The following NUP93 variants were observed in gnomAD, a reference collection of about 807,000 sequenced individuals.
NUP93 encodes the protein nuclear pore complex protein Nup93.
A neutral mutation model predicts 107.8 loss-of-function variants in NUP93; 55 were observed. The observed-to-expected ratio is 0.51, with a 90% CI of 0.41 to 0.64. The LOEUF (loss-of-function observed/expected upper bound fraction) is 0.64. NUP93 is among the 30% of genes least tolerant of loss of function. The pLI, the probability that NUP93 is intolerant of heterozygous loss-of-function variation, is 0.00. For missense variants in NUP93, 937 were observed against 1,044.7 expected, an observed-to-expected ratio of 0.90 and a Z score of 1.42; for synonymous variants, 390 against 397.5, an observed-to-expected ratio of 0.98 and a Z score of 0.22.
At chr16:56,730,522 C>T (rs547360356) in intron 1 of NUP93, among the ~76,000 whole-genome samples, 72 of 152,290 alleles carry the variant, frequency 4.7e-4, no homozygotes, top group Non-Finnish European at 8.5e-4. Flanking sequence ...TCACCTCCAC[C>T]TCGTGCCCCG....
intron 3 of NUP93, among the ~76,000 whole-genome samples, chr16:56,771,355 T>C (rs1962318812): frequency 6.6e-6 from 1 of 152,360 alleles, no homozygotes; most frequent in South Asian, 2.1e-4. Context: ...AAGGTGGAAC[T>C]TGAACCCAAA....
Position 56,833,345 on chromosome 16 carries a change from A to C in NUP93, c.1476A>C (p.Val492=). 1 of 1,598,666 alleles carries C rather than the reference A, an allele frequency of 6.3e-7. No individual in the cohort carries two copies. Among genetic ancestry groups the C allele is most frequent in the Non-Finnish European group, 8.5e-7 (1 of 1,174,578 alleles). ...MERLRCHAVH[V]ALVLFELKLL... ...GGCTGCGCTGCCATGCTGTCCATGT[A>C]GCACTGGTGCTGTTTGAGCTGAAGC... is the stretch of plus-strand genomic sequence containing the variant. Residue 492 remains valine, a synonymous_variant, in exon 13 of 22, where the codon GTA becomes GTC. Coordinates refer to ENST00000308159, the MANE Select transcript of NUP93 (RefSeq NM_014669.5).
At chr16:56,810,256 A>G (rs1567399934) in intron 5 of NUP93, among the ~76,000 whole-genome samples, 1 of 152,202 alleles carries the variant, frequency 6.6e-6, no homozygotes, top group East Asian at 1.9e-4. Context: ...CTTTTCCGGA[A>G]TCTTACAGAT....
intron 8 of NUP93, among the ~76,000 whole-genome samples, chr16:56,824,989 T>C (rs1241131367): frequency 1.3e-5 from 2 of 152,170 alleles, no homozygotes; most frequent in African/African-American, 2.4e-5. Context: ...CCTACATACA[T>C]AGTAGCATTT....
intron 3 of NUP93, among the ~76,000 whole-genome samples, chr16:56,771,590 C>T (rs1001090449): frequency 2.0e-5 from 3 of 152,168 alleles, no homozygotes; most frequent in African/African-American, 7.2e-5. Context: ...TTCCCTCCAG[C>T]ACGAAAGACT....
chr16:56,730,699 C>A (rs1961520171), intron 1 of NUP93, among the ~76,000 whole-genome samples: 1 of 152,142 alleles, frequency 6.6e-6, no homozygotes, highest in Admixed American at 6.5e-5. Flanking sequence ...CCTTGGCTTA[C>A]CTTTTGTACA....
chr16:56,805,384 C>T, intron 4 of NUP93, 120 bp from the exon 5 acceptor site: 1 of 1,065,996 alleles, frequency 9.4e-7, no homozygotes, highest in Non-Finnish European at 1.3e-6. Context: ...AAGTAGATTG[C>T]TTTTTCTCTA....
chr16:56,811,406 C>T (rs530197130), intron 5 of NUP93, among the ~76,000 whole-genome samples: 8 of 152,264 alleles, frequency 5.3e-5, no homozygotes, highest in African/African-American at 1.9e-4. Flanking sequence ...CTTGTCCACC[C>T]TCTTTATAGG....
intron 1 of NUP93, among the ~76,000 whole-genome samples, chr16:56,746,922 A>G (rs1000958122): frequency 1.3e-5 from 2 of 152,224 alleles, no homozygotes; most frequent in East Asian, 3.8e-4. Context: ...AAAGAAGGAA[A>G]AAAAGTATAA....
intron 1 of NUP93, among the ~76,000 whole-genome samples, chr16:56,746,178 C>G (rs1346714192): frequency 1.3e-5 from 2 of 152,060 alleles, no homozygotes; most frequent in East Asian, 3.8e-4. Flanking sequence ...GGGTGGGGTT[C>G]TGGAGAAGGG....
chr16:56,781,630 A>G (rs1030140837), intron 3 of NUP93: 2 of 162,388 alleles, frequency 1.2e-5, no homozygotes, highest in Admixed American at 1.3e-4. Flanking sequence ...ACATTAACCA[A>G]ACATGACAGC....
chr16:56,824,045 G>T (rs1963606268), intron 8 of NUP93, among the ~76,000 whole-genome samples, 199 bp downstream of exon 8: 1 of 152,182 alleles, frequency 6.6e-6, no homozygotes, highest in Non-Finnish European at 1.5e-5. Context: ...TTCTGCAGTG[G>T]TATAAAAATC....
At chr16:56,798,248 T>C (rs1399047686) in intron 3 of NUP93, among the ~76,000 whole-genome samples, 1 of 152,218 alleles carries the variant, frequency 6.6e-6, no homozygotes, top group Non-Finnish European at 1.5e-5. Context: ...AACCCCACAC[T>C]GTTGTTTCAT....
rs1596864459 is a variant in NUP93, at chr16:56,839,554, C to G, written c.2170C>G (p.Gln724Glu). The G allele has an allele frequency of 1.9e-6, 3 of 1,613,590 alleles. No individual in the cohort carries two copies. The East Asian group carries it at 6.7e-5, about 36-fold the overall frequency. The change falls in exon 20 of 22, where the codon CAG becomes GAG. Residue 724 changes from glutamine to glutamate, a missense_variant. By Grantham distance (29) the Gln-to-Glu change is conservative. Coordinates refer to ENST00000308159, the MANE Select transcript of NUP93 (RefSeq NM_014669.5). ...GCGCTTGAAGCTGGTGCCCCTGAAT[C>G]AGGAAAGTGTGGAAGAGAGAGTGGC... ...IERLKLVPLN[Q>E]ESVEERVAAF...
chr16:56,778,678 G>A (rs1480497140), intron 3 of NUP93, among the ~76,000 whole-genome samples: 1 of 152,190 alleles, frequency 6.6e-6, no homozygotes, highest in Non-Finnish European at 1.5e-5. Context: ...GCAAGGAGAA[G>A]GATGGGTGCT....
At chr16:56,824,215 T>G (rs1963610337) in intron 8 of NUP93, among the ~76,000 whole-genome samples, 4 of 152,222 alleles carry the variant, frequency 2.6e-5, no homozygotes, top group Admixed American at 2.0e-4. Flanking sequence ...ATTTTAATTT[T>G]ACTCCCAGGC....
intron 4 of NUP93, among the ~76,000 whole-genome samples, chr16:56,801,391 G>T (rs1190194708): frequency 2.0e-5 from 3 of 152,106 alleles, no homozygotes; most frequent in African/African-American, 4.8e-5. Context: ...ATGCAATTAA[G>T]GGAAGAGAAT....
In NUP93 at chr16:56,838,920, CT is replaced by C. The variant is rs562905029; in HGVS notation, c.2019-30del. On this transcript the variant is annotated intron_variant, in intron 18 of 21. Coordinates refer to ENST00000308159, the MANE Select transcript of NUP93 (RefSeq NM_014669.5). Reference sequence around the variant, plus strand: ...ATTACACAGAAATTCCTGATACACTCTTACTACCCCCACCCCGTTTTTGTCT... The same window carrying C: ...ATTACACAGAAATTCCTGATACACTCTACTACCCCCACCCCGTTTTTGTCT... 872 of 1,472,946 alleles carry C rather than the reference CT, an allele frequency of 5.9e-4. 19 individuals carry two copies. In the South Asian group the frequency reaches 7.7e-3, roughly 13 times the overall value. 91.2% of individuals were successfully genotyped at this position (1,472,946 alleles called of 1,614,324 possible). A position where few individuals can be genotyped will look rare whatever the true frequency, so the allele number is the denominator to read the frequency against.
In NUP93 at chr16:56,748,714, A is replaced by T. The variant is rs185093462; in HGVS notation, c.179+288A>T. ...CTGTCATGCTGAATCTGGTCACAGA[A>T]GTTCCTGCTTGGGTTCAATGATCAT... On this transcript the variant is annotated intron_variant, in intron 2 of 21. Transcript: ENST00000308159. Among the ~76,000 whole-genome samples the T allele has an allele frequency of 9.7e-4, 148 of 152,212 alleles. 2 individuals are homozygous for T. Among genetic ancestry groups the T allele is most frequent in the Admixed American group, 9.6e-3 (146 of 15,284 alleles).
Sources: gnomAD v4.1 joint callset for allele counts (sites outside exome capture counted in the v4.1 genomes callset) on GRCh38, gnomAD v4.1.1 for gene constraint, MANE v1.5 for transcripts, NCBI Gene and HGNC (gene_info 2026-07-23, HGNC 2026-07-21) for gene names.